Variants in ZNF34 observed in about 807,000 individuals in gnomAD.
ZNF34 encodes zinc finger protein 34.
A neutral mutation model predicts 14.4 loss-of-function variants in ZNF34; 8 were observed. The ratio of observed to expected loss-of-function variants is 0.55; its 90% CI spans 0.33 to 1.00. ZNF34 has a LOEUF of 1.00. Among genes scored for constraint, ZNF34 ranks in the 50% least tolerant of loss-of-function variants. The pLI is 0.03. For synonymous variants in ZNF34, 235 were observed against 247.9 expected (o/e 0.95, Z 0.49); for missense variants, 538 against 674.2 (o/e 0.80, Z 2.24).
rs1259969493 is a variant in ZNF34 at position 144,780,300 on chromosome 8, A to G, written c.-107-20T>C. On this transcript the variant is annotated intron_variant, in intron 1 of 5. Transcript: ENST00000429371. ...TTTGGCCTAAAATAAAATAACACAG[A>G]AAGGCTAAGTATTAGTTAATATTAG... The G allele has an allele frequency of 5.8e-6, 9 of 1,539,284 alleles. No homozygotes were observed. Among genetic ancestry groups the G allele is most frequent in the Non-Finnish European group, 7.0e-6 (8 of 1,136,012 alleles).
chr8:144,781,270 G>A (rs550643256), intron 1 of ZNF34, among the ~76,000 whole-genome samples: 1 of 151,536 alleles, frequency 6.6e-6, no homozygotes, highest in South Asian at 2.1e-4. Flanking sequence ...CTCCTCTGGA[G>A]TGAGTTTTTT....
intron 1 of ZNF34, among the ~76,000 whole-genome samples, chr8:144,783,659 GAAC>G (rs912075250): frequency 6.6e-6 from 1 of 152,124 alleles, no homozygotes; most frequent in Admixed American, 6.6e-5. Flanking sequence ...TGTATGTAAT[GAAC>G]AACATTATAA....
intron 5 of ZNF34, among the ~76,000 whole-genome samples, chr8:144,775,625 C>T (rs1825463661): frequency 6.6e-6 from 1 of 152,150 alleles, no homozygotes; most frequent in African/African-American, 2.4e-5. Context: ...ACAGAAAAAT[C>T]CAAAGGAGGA....
In ZNF34 at chr8:144,786,775, G is replaced by C. The variant is rs189504233; in HGVS notation, c.-108+504C>G. 4.0e-3 allele frequency among the ~76,000 whole-genome samples: 610 copies of C among 152,148 alleles called. 4 individuals are homozygous for C. Among genetic ancestry groups the C allele is most frequent in the African/African-American group, 0.014 (586 of 41,516 alleles). On this transcript the variant is annotated intron_variant, in intron 1 of 5. Coordinates refer to ENST00000429371, the MANE Select transcript of ZNF34 (RefSeq NM_001286769.2). ...CCAGAAGCGAGGAGGGTGGGGCGGAGGGAAGGCACAAGCAGAGGGAGGAGC... is the reference window on the plus strand; with the variant it reads ...CCAGAAGCGAGGAGGGTGGGGCGGACGGAAGGCACAAGCAGAGGGAGGAGC...
Position 144,778,508 on chromosome 8 carries a change from G to A in ZNF34, c.-37C>T. On this transcript the variant is annotated 5_prime_UTR_variant, in exon 3 of 6. Transcript: ENST00000429371. ...TGGGCTTTCTGAGGGCAGTGAGCAG[G>A]AGCTGGTCACTGAGGAGCTGAGGGA... 4 of 1,583,158 alleles carry A rather than the reference G, an allele frequency of 2.5e-6. No homozygotes were observed. The highest frequency in any genetic ancestry group is 3.4e-6 in the Non-Finnish European group (4 of 1,165,326).
At chr8:144,781,393 C>T (rs1285342193) in intron 1 of ZNF34, among the ~76,000 whole-genome samples, 1 of 151,412 alleles carries the variant, frequency 6.6e-6, no homozygotes, top group South Asian at 2.1e-4. Context: ...CTCAGCCTCC[C>T]AAGTAGCTGG....
At position 144,777,043 on chromosome 8, in the gene ZNF34, C is replaced by T. The variant is rs1372156858; in HGVS notation, c.280+415G>A. Among the ~76,000 whole-genome samples, 1 of 151,918 alleles carries T rather than the reference C, an allele frequency of 6.6e-6. No individual in the cohort carries two copies. The highest frequency in any genetic ancestry group is 6.6e-5 in the Admixed American group (1 of 15,232). ...AGATTCAGGGTGATGTGTAGTCTCT[C>T]ACTTTTCCGCAGTGTATTAATTTAG... On this transcript the variant is annotated intron_variant, in intron 5 of 5. Coordinates refer to ENST00000429371, the MANE Select transcript of ZNF34 (RefSeq NM_001286769.2). This position sits in a 1 kb window ranked among gnomAD's most constrained non-coding sequence, Gnocchi z 4.8.
At position 144,773,729 on chromosome 8, in the gene ZNF34, A is replaced by G. The variant is rs1246679261; in HGVS notation, c.1157T>C (p.Ile386Thr). The G allele has an allele frequency of 6.2e-7, 1 of 1,614,030 alleles. No individual in the cohort carries two copies. The highest frequency in any genetic ancestry group is 1.1e-5 in the South Asian group (1 of 91,084). Residue 386 changes from isoleucine to threonine, a missense_variant, in exon 6 of 6, where the codon ATC becomes ACC. Physicochemically the swap from Ile to Thr is moderately conservative, Grantham distance 89 (BLOSUM62 -1). Transcript: ENST00000429371. This position sits in a 1 kb window ranked among gnomAD's most constrained non-coding sequence, Gnocchi z 5.4. Reference sequence around the variant, plus strand: ...TCCAGTGTGAATTCTCTGATGTTGGATAAGGTTAGAACTTTGTGTAAAGCC... The same window carrying G: ...TCCAGTGTGAATTCTCTGATGTTGGGTAAGGTTAGAACTTTGTGTAAAGCC... ...GKGFTQSSNL[I>T]QHQRIHTGEK...
At chr8:144,781,144 A>C (rs1026326790) in intron 1 of ZNF34, among the ~76,000 whole-genome samples, 8 of 150,850 alleles carry the variant, frequency 5.3e-5, no homozygotes, top group Admixed American at 2.0e-4. Flanking sequence ...CAAATAAATA[A>C]ATAAATAAAT....
intron 5 of ZNF34, among the ~76,000 whole-genome samples, chr8:144,776,047 A>G (rs1392815391): frequency 6.6e-6 from 1 of 152,238 alleles, no homozygotes; most frequent in East Asian, 1.9e-4. Context: ...TCAGCCAGGC[A>G]CAGTGGCTGT....
At chr8:144,787,005 G>A (rs1053538809) in intron 1 of ZNF34, among the ~76,000 whole-genome samples, 3 of 152,190 alleles carry the variant, frequency 2.0e-5, no homozygotes, top group Non-Finnish European at 4.4e-5. Context: ...AGGAGTCCAG[G>A]GGACCCCGCG....
intron 1 of ZNF34, among the ~76,000 whole-genome samples, chr8:144,783,066 A>G (rs1356073007): frequency 6.6e-6 from 1 of 151,940 alleles, no homozygotes; most frequent in East Asian, 1.9e-4. Context: ...TTGGGAGGCC[A>G]AGGCGGGAAG....
chr8:144,783,166 A>G (rs1430748466), intron 1 of ZNF34, among the ~76,000 whole-genome samples: 2 of 152,106 alleles, frequency 1.3e-5, no homozygotes, highest in Non-Finnish European at 2.9e-5. Context: ...CTGTAGTCCC[A>G]GCTACTTGGG....
rs758131801 is a variant in ZNF34 at position 144,773,500 on chromosome 8, G to A, written c.1386C>T (p.Ala462=). The part of the protein sequence containing the change: ...KPYKCSECGK[A]FHNSSRLIHH... ...GGATGAGTCTGGAACTGTTGTGGAA[G>A]GCCTTCCCACACTCGCTGCACTTGT... Residue 462 remains alanine, a synonymous_variant, in exon 6 of 6, where the codon GCC becomes GCT. Coordinates refer to ENST00000429371, the MANE Select transcript of ZNF34 (RefSeq NM_001286769.2). The surrounding 1 kb of genome is among the most constrained non-coding windows in gnomAD (Gnocchi z 5.4). 1 of 1,614,164 alleles carries A rather than the reference G, an allele frequency of 6.2e-7. No individual in the cohort carries two copies.
intron 5 of ZNF34, among the ~76,000 whole-genome samples, chr8:144,776,911 C>CAAA (rs149216566): frequency 2.0e-5 from 2 of 100,890 alleles, no homozygotes; most frequent in African/African-American, 3.7e-5. Flanking sequence ...GACCCTGTCT[C>CAAA]AAAAAAAAAA....
At chr8:144,786,502 C>T (rs1262996067) in intron 1 of ZNF34, among the ~76,000 whole-genome samples, 2 of 151,136 alleles carry the variant, frequency 1.3e-5, no homozygotes, top group East Asian at 4.1e-4. Context: ...GGCATGGTGG[C>T]GGGCGCCTGT....
rs1825363136 is a variant in ZNF34, at chr8:144,774,355, A to G, written c.531T>C (p.Asp177=). ...PVPDQRPHKC[D]ICEQSFEQRS... is the part of the protein sequence containing the mutation. ...TCTGTTCAAAACTTTGCTCACATATATCACATTTGTGAGGTCTCTGATCAG... is the reference window on the plus strand; with the variant it reads ...TCTGTTCAAAACTTTGCTCACATATGTCACATTTGTGAGGTCTCTGATCAG... Residue 177 remains aspartate, a synonymous_variant, in exon 6 of 6, where the codon GAT becomes GAC. Coordinates refer to ENST00000429371, the MANE Select transcript of ZNF34 (RefSeq NM_001286769.2). 1 of 1,612,696 alleles carries G rather than the reference A, an allele frequency of 6.2e-7. No individual in the cohort carries two copies. Among genetic ancestry groups the G allele is most frequent in the Non-Finnish European group, 8.5e-7 (1 of 1,179,296 alleles).
At position 144,777,998 on chromosome 8, in the gene ZNF34, C is replaced by T; in HGVS notation, c.160+40G>A. 1 of 1,610,072 alleles carries T rather than the reference C, an allele frequency of 6.2e-7. No individual in the cohort carries two copies. The highest frequency in any genetic ancestry group is 8.5e-7 in the Non-Finnish European group (1 of 1,178,196). ...CAGCCTCTGCTGAGCCCTTAGCCCC[C>T]AGGGCTGTTCCCAGAGCTGAGTTCT... is the stretch of plus-strand genomic sequence containing the variant. On this transcript the variant is annotated intron_variant, in intron 4 of 5. Transcript: ENST00000429371. The surrounding 1 kb of genome is among the most constrained non-coding windows in gnomAD (Gnocchi z 4.8).
rs774669476 is a variant in ZNF34 at position 144,773,540 on chromosome 8, G to A, written c.1346C>T (p.Thr449Ile). 1 of 1,614,206 alleles carries A rather than the reference G, an allele frequency of 6.2e-7. No homozygotes were observed. Among genetic ancestry groups the A allele is most frequent in the Non-Finnish European group, 8.5e-7 (1 of 1,180,038 alleles). ...GCTGCACTTGTAGGGCTTCTCTCCT[G>A]TGTGGATTCTCTGGTGCTGGATGAG... ...THLIQHQRIH[T>I]GEKPYKCSEC... is the part of the protein sequence containing the mutation. The change falls in exon 6 of 6, where the codon ACA becomes ATA. Residue 449 changes from threonine to isoleucine, a missense_variant. This residue lies in a region of ZNF34 where 101 missense variants were observed against 123.1 expected (regional missense o/e 0.82). Coordinates refer to ENST00000429371, the MANE Select transcript of ZNF34 (RefSeq NM_001286769.2). The surrounding 1 kb of genome is among the most constrained non-coding windows in gnomAD (Gnocchi z 5.4).
Sources: gnomAD v4.1 joint callset for allele counts (sites outside exome capture counted in the v4.1 genomes callset) on GRCh38, gnomAD v4.1.1 for gene constraint, gnomAD v4.1.1 regional missense constraint, Gnocchi (gnomAD v3.1) non-coding constraint, MANE v1.5 for transcripts, NCBI Gene and HGNC (gene_info 2026-07-23, HGNC 2026-07-21) for gene names.